PKHD1L1: variants seen among roughly 807,000 people sequenced by gnomAD.
PKHD1L1 encodes the protein PKHD1 like 1.
Under a neutral mutation model 462.9 loss-of-function variants are expected in PKHD1L1, and 434 were observed. The ratio of observed to expected loss-of-function variants is 0.94; its 90% CI spans 0.87 to 1.02. PKHD1L1 has a LOEUF of 1.02. Ranked by LOEUF, PKHD1L1 falls within the 50% of genes least tolerant of loss-of-function variation. PKHD1L1 has a pLI of 0.00. For missense variants in PKHD1L1, 5,202 were observed against 5,096.1 expected, an observed-to-expected ratio of 1.02 and a Z score of -0.63; for synonymous variants, 1,781 against 1,750.0, an observed-to-expected ratio of 1.02 and a Z score of -0.44.
chr8:109,498,845 T>A, intron 67 of PKHD1L1, 74 bp downstream of exon 67: 8 of 1,242,308 alleles, frequency 6.4e-6, no homozygotes, highest in South Asian at 1.4e-5. Context: ...CTAATAATGT[T>A]TCATTGTTAG....
chr8:109,463,029 T>C (rs1178037452), intron 48 of PKHD1L1, among the ~76,000 whole-genome samples: 2 of 152,114 alleles, frequency 1.3e-5, no homozygotes, highest in Non-Finnish European at 2.9e-5. Context: ...AGGATATCTG[T>C]TTTTATTTAT....
Position 109,535,604 on chromosome 8 carries a change from GT to G in PKHD1L1, c.*5517del, listed in dbSNP as rs1299343428. On this transcript the variant is annotated 3_prime_UTR_variant, in exon 78 of 78. Transcript: ENST00000378402. ...CCAAACAAACAATTCAAAATTAAGA[GT>G]TTAAAAAGCAACAATCAAGACACAT... Among the ~76,000 whole-genome samples, 1 of 152,122 alleles carries G rather than the reference GT, an allele frequency of 6.6e-6. No individual in the cohort carries two copies. The highest frequency in any genetic ancestry group is 1.5e-5 in the Non-Finnish European group (1 of 68,006).
At chr8:109,406,963 CTG>C (rs1359430573) in intron 17 of PKHD1L1, among the ~76,000 whole-genome samples, 1 of 151,948 alleles carries the variant, frequency 6.6e-6, no homozygotes, top group East Asian at 1.9e-4. Flanking sequence ...ATCAATTTAC[CTG>C]TGTTTAATGC....
Position 109,442,190 on chromosome 8 carries a change from C to T in PKHD1L1, c.4388C>T (p.Thr1463Ile). ...KGFTSGRQKSTSGSFSYQFTS... is the reference protein window; with the variant it reads ...KGFTSGRQKSISGSFSYQFTS... ...TTCACAAGTGGAAGACAAAAATCTA[C>T]ATCAGGTATGTTTCTGCTTATTGGG... Residue 1463 changes from threonine (T) to isoleucine (I), a missense_variant, in exon 35 of 78, where the codon ACA (threonine) becomes ATA (isoleucine). Coordinates refer to ENST00000378402, the MANE Select transcript of PKHD1L1 (RefSeq NM_177531.6). 8 of 1,608,652 alleles carry T rather than the reference C, an allele frequency of 5.0e-6. No individual in the cohort carries two copies. The highest frequency in any genetic ancestry group is 5.9e-6 in the Non-Finnish European group (7 of 1,177,754).
Position 109,405,148 on chromosome 8 carries a change from AG to A in PKHD1L1, c.1669+21del. ...AAAAACTGGTAAGTTATAAATAATA[AG>A]GGAGATACTGTTTCTGTTCATGTAT... On this transcript the variant is annotated intron_variant, in intron 16 of 77. Coordinates refer to ENST00000378402, the MANE Select transcript of PKHD1L1 (RefSeq NM_177531.6). 1 of 1,358,860 alleles carries A rather than the reference AG, an allele frequency of 7.4e-7. No homozygotes were observed. Among genetic ancestry groups the A allele is most frequent in the South Asian group, 1.4e-5 (1 of 72,248 alleles). The allele number at this position is 1,358,860 out of a possible 1,614,324, so 84.2% of individuals were successfully genotyped here.
At chr8:109,432,001 C>T (rs377226416) in intron 27 of PKHD1L1, among the ~76,000 whole-genome samples, 6 of 152,228 alleles carry the variant, frequency 3.9e-5, no homozygotes, top group South Asian at 2.1e-4. Flanking sequence ...TTAACTATTC[C>T]GATGGGTGAA....
In PKHD1L1 at chr8:109,534,805, A is replaced by G. The variant is rs928471796; in HGVS notation, c.*4715A>G. Among the ~76,000 whole-genome samples, 1 of 152,186 alleles carries G rather than the reference A, an allele frequency of 6.6e-6. No individual in the cohort carries two copies. The highest frequency in any genetic ancestry group is 1.5e-5 in the Non-Finnish European group (1 of 68,034). ...TTGCCGTACTTGCAAGTCCTAATAC[A>G]GTACTGTAGTTATTATAATTCCATC... On this transcript the variant is annotated 3_prime_UTR_variant, in exon 78 of 78. Coordinates refer to ENST00000378402, the MANE Select transcript of PKHD1L1 (RefSeq NM_177531.6).
At chr8:109,413,667 T>G in intron 21 of PKHD1L1, 122 bp downstream of exon 21, 2 of 610,574 alleles carry the variant, frequency 3.3e-6, no homozygotes, top group Non-Finnish European at 4.9e-6. Context: ...GGGCAAATAA[T>G]GCACACAATG....
rs747767005 is a variant in PKHD1L1, at chr8:109,518,383, C to T, written c.11906C>T (p.Pro3969Leu). The stretch of plus-strand genomic sequence containing the variant: ...AATCTTGCCTTGTTCCTAAAGATAC[C>T]AAGTGACAAAATCCGTATCAGCAAA... ...VKNLALFLKI[P>L]SDKIRISKIR... Residue 3969 changes from proline (P) to leucine (L), a missense_variant, in exon 73 of 78, where the codon CCA (proline) becomes CTA (leucine). Pro to Leu is a moderately conservative substitution (Grantham distance 98). Around this residue, in one of 3 missense-constraint regions of PKHD1L1, gnomAD observed 698 missense variants for 736.3 expected, o/e 0.95. Transcript: ENST00000378402. 6.2e-7 allele frequency: 1 copy of T among 1,613,112 alleles called. No homozygotes were observed. Among genetic ancestry groups the T allele is most frequent in the Non-Finnish European group, 8.5e-7 (1 of 1,179,420 alleles).
At chr8:109,421,759 C>G (rs10955520) in intron 23 of PKHD1L1, among the ~76,000 whole-genome samples, 98,940 of 152,012 alleles carry the variant, frequency 0.65, 33,730 homozygotes, top group African/African-American at 0.86. Context: ...ACTTCAGCCT[C>G]GGCGACAGAG....
intron 38 of PKHD1L1, among the ~76,000 whole-genome samples, chr8:109,447,394 G>A (rs1466987007): frequency 6.6e-6 from 1 of 152,130 alleles, no homozygotes; most frequent in Non-Finnish European, 1.5e-5. Context: ...ATTACTACTT[G>A]AGGGCACTGC....
At chr8:109,529,181 C>G (rs1673395) in intron 77 of PKHD1L1, among the ~76,000 whole-genome samples, 36,045 of 151,972 alleles carry the variant, frequency 0.24, 4,969 homozygotes, top group African/African-American at 0.34. Context: ...AACTGCTGGG[C>G]TTTCATGAAT....
intron 50 of PKHD1L1, chr8:109,471,078 C>T: frequency 3.8e-6 from 6 of 1,561,548 alleles, no homozygotes; most frequent in Non-Finnish European, 5.3e-6. Context: ...CCTCAAATTC[C>T]TCATCAAACA....
intron 18 of PKHD1L1, among the ~76,000 whole-genome samples, chr8:109,409,535 T>A (rs1297058999): frequency 6.6e-6 from 1 of 152,164 alleles, no homozygotes; most frequent in Non-Finnish European, 1.5e-5. Context: ...TTGGAATCTA[T>A]CTAATTGGGT....
At chr8:109,482,589 A>T (rs1259802683) in intron 56 of PKHD1L1, among the ~76,000 whole-genome samples, 1 of 151,780 alleles carries the variant, frequency 6.6e-6, no homozygotes, top group Non-Finnish European at 1.5e-5. Flanking sequence ...TTCTCAGTGA[A>T]CATATTATGA....
At chr8:109,374,517 T>C (rs1811700382) in intron 2 of PKHD1L1, among the ~76,000 whole-genome samples, 2 of 152,204 alleles carry the variant, frequency 1.3e-5, no homozygotes, top group South Asian at 4.1e-4. Context: ...GTTTATATTG[T>C]TATGTGTGAA....
At chr8:109,415,458 A>C (rs1814098488) in intron 21 of PKHD1L1, among the ~76,000 whole-genome samples, 1 of 152,162 alleles carries the variant, frequency 6.6e-6, no homozygotes, top group Non-Finnish European at 1.5e-5. Context: ...AAGAAGTATG[A>C]AGTGGGAAAC....
intron 50 of PKHD1L1, among the ~76,000 whole-genome samples, chr8:109,469,333 C>T (rs988631094): frequency 1.3e-5 from 2 of 152,130 alleles, no homozygotes; most frequent in African/African-American, 4.8e-5. Context: ...GACCCAGAGA[C>T]AGAGCTGTAT....
rs1481985100 is a variant in PKHD1L1 at position 109,464,654 on chromosome 8, C to T, written c.7822C>T (p.Leu2608Phe). The T allele has an allele frequency of 6.2e-7, 1 of 1,612,940 alleles. No homozygotes were observed. Among genetic ancestry groups the T allele is most frequent in the Non-Finnish European group, 8.5e-7 (1 of 1,179,794 alleles). The change falls in exon 49 of 78, where the codon CTT becomes TTT. Residue 2608 changes from leucine (L) to phenylalanine (F), a missense_variant. Physicochemically the swap from Leu to Phe is conservative, Grantham distance 22 (BLOSUM62 0). This residue lies in a region of PKHD1L1 where 4,497 missense variants were observed against 4,336.8 expected (regional missense o/e 1.04). Transcript: ENST00000378402. ...AAACATTTGTCAAAAAAGAGTTCCCCTTGGCGAATTTTTTAACAATACTGT... is the reference window on the plus strand; with the variant it reads ...AAACATTTGTCAAAAAAGAGTTCCCTTTGGCGAATTTTTTAACAATACTGT... ...DRNICQKRVP[L>F]GEFFNNTVHS...
Sources: gnomAD v4.1 joint callset for allele counts (sites outside exome capture counted in the v4.1 genomes callset) on GRCh38, gnomAD v4.1.1 for gene constraint, gnomAD v4.1.1 regional missense constraint, MANE v1.5 for transcripts, NCBI Gene and HGNC (gene_info 2026-07-23, HGNC 2026-07-21) for gene names.